SYNDIG1: variants seen among roughly 807,000 people sequenced by gnomAD.
SYNDIG1 encodes synapse differentiation inducing 1.
Under a neutral mutation model 19.4 loss-of-function variants are expected in SYNDIG1, and 9 were observed. The ratio of observed to expected loss-of-function variants is 0.46; its 90% CI spans 0.28 to 0.81. SYNDIG1 has a LOEUF of 0.81. Among genes scored for constraint, SYNDIG1 ranks in the 30% least tolerant of loss-of-function variants. SYNDIG1 has a pLI of 0.12. For synonymous variants in SYNDIG1, 141 were observed against 145.9 expected, an observed-to-expected ratio of 0.97 and a Z score of 0.24; for missense variants, 311 against 343.3, an observed-to-expected ratio of 0.91 and a Z score of 0.74.
chr20:24,511,852 G>A (rs1007418857), intron 1 of SYNDIG1, among the ~76,000 whole-genome samples: 2 of 152,046 alleles, frequency 1.3e-5, no homozygotes, highest in African/African-American at 4.8e-5. Context: ...CTGGCAATAT[G>A]ACGTCTGTCT....
intron 1 of SYNDIG1, among the ~76,000 whole-genome samples, chr20:24,535,720 G>A (rs575511829): frequency 4.6e-5 from 7 of 152,294 alleles, no homozygotes; most frequent in South Asian, 2.1e-4. Flanking sequence ...AGTCTGGACG[G>A]GCAGTTGCTG....
chr20:24,636,683 C>T (rs544021378), intron 3 of SYNDIG1, among the ~76,000 whole-genome samples: 2 of 152,248 alleles, frequency 1.3e-5, no homozygotes, highest in East Asian at 3.9e-4. Flanking sequence ...ACCATGTAGC[C>T]TTTTCCTATT....
chr20:24,639,771 C>T (rs763967683), intron 3 of SYNDIG1, among the ~76,000 whole-genome samples: 7 of 152,148 alleles, frequency 4.6e-5, no homozygotes, highest in Non-Finnish European at 1.0e-4. Flanking sequence ...GTTTTCTAAA[C>T]ATTATTCTCT....
chr20:24,514,264 A>G lies in SYNDIG1; in HGVS notation c.-78-28756A>G, dbSNP rs57419774. ...ACATCATAAAGACAGGATCAAATTC[A>G]CACATAACAATATTAACCTTAAATG... On this transcript the variant is annotated intron_variant, in intron 1 of 3. Coordinates refer to ENST00000376862, the MANE Select transcript of SYNDIG1 (RefSeq NM_024893.3). 3.0e-3 allele frequency among the ~76,000 whole-genome samples: 455 copies of G among 152,352 alleles called. 1 individual carries two copies. Among genetic ancestry groups the G allele is most frequent in the African/African-American group, 0.01 (434 of 41,574 alleles).
At chr20:24,544,955 G>C (rs2146740086) in intron 2 of SYNDIG1, among the ~76,000 whole-genome samples, 1 of 152,318 alleles carries the variant, frequency 6.6e-6, no homozygotes, top group Admixed American at 6.5e-5. Context: ...GGTGCACTCT[G>C]CCTGGAAGGT....
At chr20:24,506,933 A>G (rs1175092757) in intron 1 of SYNDIG1, among the ~76,000 whole-genome samples, 1 of 152,184 alleles carries the variant, frequency 6.6e-6, no homozygotes, top group East Asian at 1.9e-4. Flanking sequence ...AGGGGATTCT[A>G]GAATAAAGGA....
intron 2 of SYNDIG1, among the ~76,000 whole-genome samples, chr20:24,565,507 GTTC>G (rs1478599923): frequency 6.6e-6 from 1 of 152,184 alleles, no homozygotes; most frequent in African/African-American, 2.4e-5. Context: ...AGCATGTAGT[GTTC>G]TTCTGGCCCA....
chr20:24,525,258 T>C (rs117828697), intron 1 of SYNDIG1, among the ~76,000 whole-genome samples: 2,805 of 150,894 alleles, frequency 0.019, 54 homozygotes, highest in Non-Finnish European at 0.027. Flanking sequence ...TGTAAGATAC[T>C]AATGTTTTAT....
At chr20:24,664,208 G>T (rs1170444496) in intron 3 of SYNDIG1, among the ~76,000 whole-genome samples, 1 of 152,172 alleles carries the variant, frequency 6.6e-6, no homozygotes, top group South Asian at 2.1e-4. Context: ...GACCATGGAA[G>T]ATGCAGGTTC....
chr20:24,559,305 G>A (rs6083555), intron 2 of SYNDIG1, among the ~76,000 whole-genome samples: 41,522 of 152,008 alleles, frequency 0.27, 6,208 homozygotes, highest in East Asian at 0.58. Context: ...TGAGAGAGTG[G>A]GAGCAGGGAG....
At chr20:24,608,470 C>T (rs761754618) in intron 3 of SYNDIG1, among the ~76,000 whole-genome samples, 12 of 152,136 alleles carry the variant, frequency 7.9e-5, no homozygotes, top group East Asian at 1.9e-4. Flanking sequence ...TGAGTCACCG[C>T]GCCCCACCAA....
At position 24,572,494 on chromosome 20, in the gene SYNDIG1, C is replaced by T. The variant is rs570615096; in HGVS notation, c.481-12362C>T. ...ACTGCAGAGGGCTGGTGACTTTGGCCACTGCCTGGAACTCTTGAGAGCGTG... is the reference window on the plus strand; with the variant it reads ...ACTGCAGAGGGCTGGTGACTTTGGCTACTGCCTGGAACTCTTGAGAGCGTG... On this transcript the variant is annotated intron_variant, in intron 2 of 3. Transcript: ENST00000376862. 2.4e-4 allele frequency among the ~76,000 whole-genome samples: 36 copies of T among 152,302 alleles called. 2 individuals are homozygous for T. The South Asian group carries it at 7.3e-3, about 31-fold the overall frequency.
intron 1 of SYNDIG1, among the ~76,000 whole-genome samples, chr20:24,531,300 C>T (rs1013293070): frequency 1.3e-5 from 2 of 152,112 alleles, no homozygotes; most frequent in African/African-American, 4.8e-5. Context: ...AAGTTCCTTC[C>T]ACTCTATACA....
chr20:24,475,863 CTTTT>C (rs796790374), intron 1 of SYNDIG1, among the ~76,000 whole-genome samples: 1 of 144,448 alleles, frequency 6.9e-6, no homozygotes, highest in Non-Finnish European at 1.5e-5. Flanking sequence ...TGCATAGTAT[CTTTT>C]TTTTTTTTTT....
chr20:24,590,871 G>GGGTCCCTCC (rs1340755652), intron 3 of SYNDIG1, among the ~76,000 whole-genome samples: 6 of 152,172 alleles, frequency 3.9e-5, no homozygotes, highest in Non-Finnish European at 8.8e-5. Flanking sequence ...GCAGCTTCAG[G>GGGTCCCTCC]CATGCAGGGA....
intron 3 of SYNDIG1, among the ~76,000 whole-genome samples, chr20:24,588,596 C>T (rs972738768): frequency 1.3e-5 from 2 of 152,158 alleles, no homozygotes; most frequent in African/African-American, 4.8e-5. Context: ...ATGGATGCTG[C>T]TGCCATCACC....
At chr20:24,530,801 T>TG (rs2057241103) in intron 1 of SYNDIG1, among the ~76,000 whole-genome samples, 2 of 150,982 alleles carry the variant, frequency 1.3e-5, no homozygotes, top group Admixed American at 6.6e-5. Context: ...GTTTGTTTTT[T>TG]GGGTTTTTTG....
Position 24,638,993 on chromosome 20 carries a change from G to A in SYNDIG1, c.619-26353G>A, listed in dbSNP as rs1386202245. On this transcript the variant is annotated intron_variant, in intron 3 of 3. Coordinates refer to ENST00000376862, the MANE Select transcript of SYNDIG1 (RefSeq NM_024893.3). ...CAACCTGCTGGGCCTCCCTGCCAGC[G>A]TGGTGGGTGCAGCTGACATCAGCAG... is the stretch of plus-strand genomic sequence containing the variant. Among the ~76,000 whole-genome samples, 10 of 152,186 alleles carry A rather than the reference G, an allele frequency of 6.6e-5. No individual in the cohort carries two copies. The South Asian group carries it at 1.0e-3, about 16-fold the overall frequency.
intron 1 of SYNDIG1, among the ~76,000 whole-genome samples, chr20:24,472,007 C>G (rs761006893): frequency 6.6e-6 from 1 of 152,122 alleles, no homozygotes; most frequent in African/African-American, 2.4e-5. Context: ...AATAAAAAAA[C>G]CATTCCAAAC....
Sources: allele counts gnomAD v4.1 joint callset (sites outside exome capture counted in the v4.1 genomes callset), GRCh38; gene constraint gnomAD v4.1.1; transcripts MANE v1.5; gene names NCBI Gene and HGNC (gene_info 2026-07-23, HGNC 2026-07-21).